Variants in NBN observed in about 807,000 individuals in gnomAD.
NBN encodes the protein nibrin, also known as Nijmegen breakage syndrome 1 (nibrin).
In NBN, 88 loss-of-function variants were observed where a neutral mutation model predicts 90.8. The ratio of observed to expected loss-of-function variants is 0.97; its 90% CI spans 0.82 to 1.16. NBN has a LOEUF of 1.16. Among genes scored for constraint, NBN ranks in the 50% most tolerant of loss-of-function variants. The pLI, the probability that NBN is intolerant of heterozygous loss-of-function variation, is 0.00. For synonymous variants in NBN, 328 were observed against 295.1 expected, an observed-to-expected ratio of 1.11 and a Z score of -1.14; for missense variants, 894 against 869.6, an observed-to-expected ratio of 1.03 and a Z score of -0.35.
chr8:89,957,801 A>G (rs1293244678), intron 9 of NBN, among the ~76,000 whole-genome samples: 1 of 152,182 alleles, frequency 6.6e-6, no homozygotes, highest in Non-Finnish European at 1.5e-5. Context: ...AGTCTATACC[A>G]GCAGTTCCCA....
chr8:89,975,213 A>G (rs761114736), intron 5 of NBN, among the ~76,000 whole-genome samples: 1 of 152,260 alleles, frequency 6.6e-6, no homozygotes, highest in Non-Finnish European at 1.5e-5. Context: ...GTAACAGTGC[A>G]AAGATGTAGA....
At chr8:89,980,288 A>G (rs1213494016) in intron 4 of NBN, among the ~76,000 whole-genome samples, 3 of 152,194 alleles carry the variant, frequency 2.0e-5, no homozygotes, top group African/African-American at 7.2e-5. Flanking sequence ...TATTAACCTA[A>G]AAGGATCCCA....
chr8:89,979,641 C>A (rs1457954051), intron 4 of NBN, among the ~76,000 whole-genome samples: 4 of 151,152 alleles, frequency 2.6e-5, no homozygotes, highest in Admixed American at 6.6e-5. Flanking sequence ...ACTGTACTTT[C>A]AGAAAATTTA....
At chr8:89,978,633 T>C (rs570309272) in intron 4 of NBN, among the ~76,000 whole-genome samples, 9 of 152,330 alleles carry the variant, frequency 5.9e-5, no homozygotes, top group African/African-American at 2.2e-4. Flanking sequence ...AATTTTAAAA[T>C]GCATTCCACT....
rs148296800 is a variant in NBN, at chr8:89,974,475, G to C, written c.585-3185C>G. Among the ~76,000 whole-genome samples the C allele has an allele frequency of 5.3e-5, 8 of 152,216 alleles. No individual in the cohort carries two copies. In the East Asian group the frequency reaches 1.5e-3, roughly 29 times the overall value. ...AGGCCAATGTGTCTGTTGGGTCTGA[G>C]ATTTGATTATCAGCTGGTAAGTTAA... On this transcript the variant is annotated intron_variant, in intron 5 of 15. Coordinates refer to ENST00000265433, the MANE Select transcript of NBN (RefSeq NM_002485.5).
At chr8:89,980,667 G>T in intron 4 of NBN, 67 bp downstream of exon 4, 1 of 1,361,248 alleles carries the variant, frequency 7.3e-7, no homozygotes, top group Non-Finnish European at 1.0e-6. Flanking sequence ...AAAAAAATCT[G>T]TGTATAGTGG....
chr8:89,940,086 TTTA>T (rs2086484603), intron 14 of NBN, among the ~76,000 whole-genome samples: 1 of 152,012 alleles, frequency 6.6e-6, no homozygotes, highest in Non-Finnish European at 1.5e-5. Flanking sequence ...TTTTATTTTA[TTTA>T]TTATTATTAT....
At chr8:89,962,409 T>C (rs187711080) in intron 8 of NBN, among the ~76,000 whole-genome samples, 15 of 152,338 alleles carry the variant, frequency 9.8e-5, no homozygotes, top group African/African-American at 2.9e-4. Flanking sequence ...CTGATCTTTT[T>C]TCTGTAAGAG....
chr8:89,975,688 G>A (rs949651781), intron 5 of NBN, among the ~76,000 whole-genome samples: 1 of 152,100 alleles, frequency 6.6e-6, no homozygotes, highest in African/African-American at 2.4e-5. Context: ...AAAAAATTAT[G>A]TTGAACTTGG....
At chr8:89,939,868 T>C (rs1472839862) in intron 14 of NBN, among the ~76,000 whole-genome samples, 1 of 152,150 alleles carries the variant, frequency 6.6e-6, no homozygotes, top group Non-Finnish European at 1.5e-5. Context: ...TTCTCTTTTA[T>C]ATAGGGCACA....
At chr8:89,968,183 T>A (rs947641271) in intron 7 of NBN, among the ~76,000 whole-genome samples, 3 of 152,188 alleles carry the variant, frequency 2.0e-5, no homozygotes, top group South Asian at 4.1e-4. Flanking sequence ...TGCTTGAGCC[T>A]GGGAAGTGGA....
intron 14 of NBN, among the ~76,000 whole-genome samples, chr8:89,937,945 C>T (rs1292237598): frequency 6.6e-6 from 1 of 151,962 alleles, no homozygotes; most frequent in Non-Finnish European, 1.5e-5. Flanking sequence ...CCTTTTTTTC[C>T]CTCTTCCCAC....
At chr8:89,947,978 A>G (rs1810276352) in intron 11 of NBN, 86 bp from the exon 12 acceptor site, 3 of 780,016 alleles carry the variant, frequency 3.8e-6, no homozygotes, top group Admixed American at 4.9e-5. Context: ...AATAAGATGA[A>G]GTGTAAAATG....
intron 2 of NBN, chr8:89,982,345 G>A: frequency 6.7e-6 from 2 of 300,298 alleles, no homozygotes; most frequent in Admixed American, 5.0e-5. Flanking sequence ...TGTTCTATTC[G>A]CAGGGTTGGC....
At chr8:89,945,999 C>T in intron 13 of NBN, 141 bp downstream of exon 13, 1 of 638,800 alleles carries the variant, frequency 1.6e-6, no homozygotes, top group South Asian at 1.9e-5. Flanking sequence ...TCATATCCTT[C>T]CTAGAGGAAT....
rs1339776218 is a variant in NBN at position 89,935,516 on chromosome 8, AC to A, written c.*65del. ...CTTCTATACACTATATATTCATATA[AC>A]CTTGTTGGCCTGAAGTAGATGCTTA... is the stretch of plus-strand genomic sequence containing the variant. On this transcript the variant is annotated 3_prime_UTR_variant, in exon 16 of 16. Coordinates refer to ENST00000265433, the MANE Select transcript of NBN (RefSeq NM_002485.5). 6.3e-7 allele frequency: 1 copy of A among 1,593,684 alleles called. No homozygotes were observed.
intron 5 of NBN, among the ~76,000 whole-genome samples, chr8:89,972,291 T>C (rs574168047): frequency 6.6e-6 from 1 of 152,324 alleles, no homozygotes; most frequent in African/African-American, 2.4e-5. Context: ...TACTTTAAAA[T>C]TTTTTTGATA....
intron 5 of NBN, among the ~76,000 whole-genome samples, chr8:89,973,403 A>T (rs1470167755): frequency 6.6e-6 from 1 of 152,232 alleles, no homozygotes; most frequent in Non-Finnish European, 1.5e-5. Context: ...TTTGAGCCCC[A>T]ATACTTGGTA....
At chr8:89,958,974 T>C (rs1586066541) in intron 8 of NBN, 120 bp from the exon 9 acceptor site, 3 of 1,335,432 alleles carry the variant, frequency 2.2e-6, no homozygotes, top group African/African-American at 1.4e-5. Flanking sequence ...ATACTGCACA[T>C]GGTTTTCTCC....
Sources: gnomAD v4.1 joint callset for allele counts (sites outside exome capture counted in the v4.1 genomes callset) on GRCh38, gnomAD v4.1.1 for gene constraint, MANE v1.5 for transcripts, NCBI Gene and HGNC (gene_info 2026-07-23, HGNC 2026-07-21) for gene names.